FNDC3B: variants seen among roughly 807,000 people sequenced by gnomAD.
FNDC3B encodes the protein fibronectin type III domain-containing protein 3B.
FNDC3B carries 12 observed loss-of-function variants against 151.5 expected under a neutral mutation model. The ratio of observed to expected loss-of-function variants is 0.08; its 90% confidence interval spans 0.05 to 0.13. FNDC3B has a LOEUF of 0.13. Ranked by LOEUF, FNDC3B falls within the 10% of genes least tolerant of loss-of-function variation. FNDC3B has a pLI of 1.00. For synonymous variants in FNDC3B, 528 were observed against 549.0 expected, an observed-to-expected ratio of 0.96 and a Z score of 0.54; for missense variants, 1,214 against 1,505.3, an observed-to-expected ratio of 0.81 and a Z score of 3.20.
intron 3 of FNDC3B, among the ~76,000 whole-genome samples, chr3:172,167,067 G>C (rs912772324): frequency 6.6e-6 from 1 of 152,128 alleles, no homozygotes; most frequent in Non-Finnish European, 1.5e-5. Context: ...AAGGAAACCA[G>C]AGCTCTTAAA....
chr3:172,179,080 G>A (rs1723751648), intron 3 of FNDC3B, among the ~76,000 whole-genome samples: 1 of 152,104 alleles, frequency 6.6e-6, no homozygotes, highest in African/African-American at 2.4e-5. Context: ...CATTTATTTA[G>A]GGACAGAGTC....
At chr3:172,247,279 G>C (rs1478333896) in intron 4 of FNDC3B, among the ~76,000 whole-genome samples, 1 of 152,082 alleles carries the variant, frequency 6.6e-6, no homozygotes, top group East Asian at 1.9e-4. Flanking sequence ...ATCAAATACT[G>C]GTCTCTCCAA....
In FNDC3B at chr3:172,251,320, C is replaced by T; in HGVS notation, c.569C>T (p.Pro190Leu). ...ACCCGAGAAGACCAGTACAGCAAGC[C>T]TCCGCACAAAAAACTGAAAGACCGC... is the stretch of plus-strand genomic sequence containing the variant. ...YITREDQYSK[P>L]PHKKLKDRQI... The change falls in exon 6 of 26, where the codon CCT becomes CTT. Residue 190 changes from proline to leucine, a missense_variant. Pro to Leu is a moderately conservative substitution (Grantham distance 98). Around this residue, in one of 7 missense-constraint regions of FNDC3B, gnomAD observed 166 missense variants for 173.2 expected, o/e 0.96. Transcript: ENST00000415807. 2 of 1,613,778 alleles carry T rather than the reference C, an allele frequency of 1.2e-6. No homozygotes were observed. The highest frequency in any genetic ancestry group is 1.3e-5 in the African/African-American group (1 of 74,974).
At position 172,343,088 on chromosome 3, in the gene FNDC3B, A is replaced by G; in HGVS notation, c.2049A>G (p.Pro683=). The stretch of plus-strand genomic sequence containing the variant: ...GACCACCGAGGGTTTTGGGTAGACC[A>G]AAGCACAAAGAAGTCCACTTAGAGT... ...QCRPPRVLGR[P]KHKEVHLEWD... Residue 683 remains proline, a synonymous_variant, in exon 18 of 26, where the codon CCA becomes CCG. Transcript: ENST00000415807. The G allele has an allele frequency of 6.2e-7, 1 of 1,609,714 alleles. No homozygotes were observed. Among genetic ancestry groups the G allele is most frequent in the Non-Finnish European group, 8.5e-7 (1 of 1,176,282 alleles).
chr3:172,304,784 C>G (rs1446731282), intron 9 of FNDC3B, among the ~76,000 whole-genome samples: 1 of 152,066 alleles, frequency 6.6e-6, no homozygotes, highest in Admixed American at 6.6e-5. Flanking sequence ...GTAATCCCAG[C>G]CACTCAGGGG....
At chr3:172,125,820 G>A (rs1386189165) in intron 2 of FNDC3B, among the ~76,000 whole-genome samples, 1 of 152,104 alleles carries the variant, frequency 6.6e-6, no homozygotes, top group Non-Finnish European at 1.5e-5. Context: ...TAAGTGTCAC[G>A]CAGATTTTTA....
At chr3:172,249,458 A>C (rs1422575978) in intron 5 of FNDC3B, among the ~76,000 whole-genome samples, 1 of 152,220 alleles carries the variant, frequency 6.6e-6, no homozygotes, top group Non-Finnish European at 1.5e-5. Flanking sequence ...GCCTTCATTG[A>C]TTTCAAATTA....
chr3:172,385,400 A>T (rs1735654181), intron 25 of FNDC3B, among the ~76,000 whole-genome samples: 1 of 152,130 alleles, frequency 6.6e-6, no homozygotes, highest in Non-Finnish European at 1.5e-5. Context: ...CAGTACTGGC[A>T]TATAGTTTGA....
At chr3:172,109,816 A>G (rs191321625) in intron 1 of FNDC3B, among the ~76,000 whole-genome samples, 5 of 152,348 alleles carry the variant, frequency 3.3e-5, no homozygotes, top group East Asian at 3.9e-4. Context: ...AAAGTTGTCT[A>G]TGAAGTTTTC....
intron 1 of FNDC3B, among the ~76,000 whole-genome samples, chr3:172,111,931 A>G (rs1719993910): frequency 6.6e-6 from 1 of 152,144 alleles, no homozygotes; most frequent in African/African-American, 2.4e-5. Flanking sequence ...TTGTTCGTTT[A>G]TACTTCTTTG....
At chr3:172,301,071 T>C (rs1445208137) in intron 9 of FNDC3B, among the ~76,000 whole-genome samples, 1 of 152,128 alleles carries the variant, frequency 6.6e-6, no homozygotes, top group African/African-American at 2.4e-5. Flanking sequence ...TTACTAAGGG[T>C]GTGTACTTAA....
chr3:172,386,905 C>G (rs1735743777), intron 25 of FNDC3B, among the ~76,000 whole-genome samples: 1 of 152,026 alleles, frequency 6.6e-6, no homozygotes, highest in Non-Finnish European at 1.5e-5. Flanking sequence ...CATGGTATCA[C>G]AAAGAGTACC....
intron 1 of FNDC3B, among the ~76,000 whole-genome samples, chr3:172,109,164 C>CTT (rs398052444): frequency 0.034 from 4,113 of 120,008 alleles, 320 homozygotes; most frequent in African/African-American, 0.11. Context: ...GCCTTGGATT[C>CTT]TTTTTTTTTT....
chr3:172,246,156 A>G (rs1000582838), intron 4 of FNDC3B, among the ~76,000 whole-genome samples: 11 of 152,272 alleles, frequency 7.2e-5, no homozygotes, highest in African/African-American at 2.6e-4. Flanking sequence ...ATCCATTTCA[A>G]TATAGAAGGT....
chr3:172,315,581 C>T (rs1231665280), intron 11 of FNDC3B, among the ~76,000 whole-genome samples: 6 of 152,246 alleles, frequency 3.9e-5, no homozygotes, highest in East Asian at 3.9e-4. Context: ...GATTTTTAGC[C>T]GCTTTCCTCC....
At chr3:172,115,287 A>C (rs1010325711) in intron 2 of FNDC3B, among the ~76,000 whole-genome samples, 3 of 152,170 alleles carry the variant, frequency 2.0e-5, no homozygotes, top group African/African-American at 7.2e-5. Context: ...GCACAAGGGG[A>C]AGACAGAGTG....
At chr3:172,348,769 T>C (rs1576935407) in intron 21 of FNDC3B, among the ~76,000 whole-genome samples, 1 of 152,178 alleles carries the variant, frequency 6.6e-6, no homozygotes, top group Non-Finnish European at 1.5e-5. Flanking sequence ...AGTAGAAATA[T>C]ATTTTCAAAG....
Position 172,287,581 on chromosome 3 carries a change from G to A in FNDC3B, c.849+1597G>A, listed in dbSNP as rs556537098. Among the ~76,000 whole-genome samples, 3 of 152,322 alleles carry A rather than the reference G, an allele frequency of 2.0e-5. No individual in the cohort carries two copies. The East Asian group carries it at 5.8e-4, about 29-fold the overall frequency. ...AGAAAAATCTGTAAGGAAAACAGAG[G>A]AGTCAGAGAGAGAGGGCAGAGCAGC... On this transcript the variant is annotated intron_variant, in intron 7 of 25. Transcript: ENST00000415807.
intron 6 of FNDC3B, among the ~76,000 whole-genome samples, chr3:172,257,927 G>A (rs1173330359): frequency 6.6e-6 from 1 of 152,048 alleles, no homozygotes; most frequent in African/African-American, 2.4e-5. Context: ...TTTTAACCAA[G>A]ATTTTAAATG....
Sources: allele counts gnomAD v4.1 joint callset (sites outside exome capture counted in the v4.1 genomes callset), GRCh38; gene constraint gnomAD v4.1.1; regional missense constraint gnomAD v4.1.1; transcripts MANE v1.5; gene names NCBI Gene and HGNC (gene_info 2026-07-23, HGNC 2026-07-21).